Variants in ABTB3 observed in about 807,000 individuals in gnomAD.
ABTB3 encodes the protein ankyrin repeat and BTB domain containing 3.
the ABTB3 span, among the ~76,000 whole-genome samples, chr12:107,517,870 C>T: frequency 6.6e-6 from 1 of 151,766 alleles, no homozygotes; most frequent in Non-Finnish European, 1.5e-5. Flanking sequence ...ACTCATCTGA[C>T]AAAGGGCTAA....
chr12:107,615,062 T>C, the ABTB3 span: 2 of 1,611,576 alleles, frequency 1.2e-6, no homozygotes, highest in African/African-American at 2.7e-5. Flanking sequence ...TGTTTATAGG[T>C]TGTCAGTACT....
the ABTB3 span, among the ~76,000 whole-genome samples, chr12:107,610,728 C>T: frequency 2.0e-5 from 3 of 152,254 alleles, no homozygotes; most frequent in South Asian, 2.1e-4. Flanking sequence ...TGTTCCTGCA[C>T]AGGACAAGCC....
the ABTB3 span, among the ~76,000 whole-genome samples, chr12:107,510,102 A>G: frequency 6.6e-6 from 1 of 152,228 alleles, no homozygotes; most frequent in African/African-American, 2.4e-5. Context: ...GAAGCCGGTA[A>G]GGTGGGAATC....
At chr12:107,392,937 C>T in the ABTB3 span, among the ~76,000 whole-genome samples, 114,274 of 151,976 alleles carry the variant, frequency 0.75, 43,292 homozygotes, top group Non-Finnish European at 0.81. Flanking sequence ...AGTGGGCACA[C>T]GCTGAAGGCT....
chr12:107,463,907 C>G, the ABTB3 span, among the ~76,000 whole-genome samples: 9 of 152,284 alleles, frequency 5.9e-5, no homozygotes, highest in Non-Finnish European at 1.2e-4. Flanking sequence ...CCTACACTGC[C>G]ACCAACTCTC....
At chr12:107,655,860 A>G in the ABTB3 span, among the ~76,000 whole-genome samples, 1 of 152,200 alleles carries the variant, frequency 6.6e-6, no homozygotes, top group Non-Finnish European at 1.5e-5. Flanking sequence ...ATCAGATTGA[A>G]TCTCAGCTGT....
At chr12:107,528,919 G>T in the ABTB3 span, among the ~76,000 whole-genome samples, 1 of 149,626 alleles carries the variant, frequency 6.7e-6, no homozygotes, top group Non-Finnish European at 1.5e-5. Context: ...GATGATTATG[G>T]TGATAGTGAT....
At chr12:107,484,939 T>C in the ABTB3 span, among the ~76,000 whole-genome samples, 1 of 152,138 alleles carries the variant, frequency 6.6e-6, no homozygotes, top group Non-Finnish European at 1.5e-5. Flanking sequence ...AGCAGGTCAG[T>C]GTGGGATGTG....
the ABTB3 span, among the ~76,000 whole-genome samples, chr12:107,638,842 GTTACAGAGCTGAGAT>G: frequency 7.2e-5 from 11 of 152,148 alleles, no homozygotes; most frequent in Non-Finnish European, 1.5e-4. Context: ...ACTTGCCAAG[GTTACAGAGCTGAGAT>G]TTCTAGCCTC....
the ABTB3 span, among the ~76,000 whole-genome samples, chr12:107,448,681 C>G: frequency 1.3e-5 from 2 of 151,308 alleles, no homozygotes; most frequent in Non-Finnish European, 2.9e-5. Context: ...AGCTCTGTCA[C>G]CCAGGCTGGA....
the ABTB3 span, among the ~76,000 whole-genome samples, chr12:107,575,303 C>T: frequency 6.6e-6 from 1 of 152,008 alleles, no homozygotes; most frequent in Admixed American, 6.6e-5. Context: ...CTGCACCTGG[C>T]AGGGAGAAGA....
chr12:107,548,472 C>T, the ABTB3 span, among the ~76,000 whole-genome samples: 4 of 152,168 alleles, frequency 2.6e-5, no homozygotes, highest in South Asian at 8.3e-4. Flanking sequence ...ACCATTTTAC[C>T]ATTTCATGTG....
the ABTB3 span, among the ~76,000 whole-genome samples, chr12:107,599,356 A>G: frequency 6.6e-6 from 1 of 152,242 alleles, no homozygotes; most frequent in East Asian, 1.9e-4. Flanking sequence ...GTGGAAGCAT[A>G]GCCACAGATG....
the ABTB3 span, among the ~76,000 whole-genome samples, chr12:107,446,341 G>A: frequency 6.6e-6 from 1 of 152,132 alleles, no homozygotes; most frequent in Admixed American, 6.6e-5. Flanking sequence ...TACTCGAATG[G>A]CATGTTTATT....
At chr12:107,462,143 A>G in the ABTB3 span, among the ~76,000 whole-genome samples, 1 of 152,196 alleles carries the variant, frequency 6.6e-6, no homozygotes, top group East Asian at 1.9e-4. Flanking sequence ...CATCCTGGAA[A>G]TCTTCCTCAT....
chr12:107,431,209 C>T, the ABTB3 span, among the ~76,000 whole-genome samples: 3 of 152,220 alleles, frequency 2.0e-5, no homozygotes, highest in Non-Finnish European at 2.9e-5. Flanking sequence ...TAAATGCTTA[C>T]TAGTCAGTGG....
the ABTB3 span, among the ~76,000 whole-genome samples, chr12:107,323,170 G>A: frequency 6.6e-6 from 1 of 152,220 alleles, no homozygotes; most frequent in South Asian, 2.1e-4. Flanking sequence ...TCTAAAGAAG[G>A]GGTCTCACTA....
At chr12:107,410,066 C>T in the ABTB3 span, among the ~76,000 whole-genome samples, 10 of 152,056 alleles carry the variant, frequency 6.6e-5, no homozygotes, top group Non-Finnish European at 1.2e-4. Context: ...CCAGCATCCC[C>T]TGCCAGCAGT....
chr12:107,636,549 A>G, the ABTB3 span, among the ~76,000 whole-genome samples: 1 of 152,200 alleles, frequency 6.6e-6, no homozygotes, highest in South Asian at 2.1e-4. Flanking sequence ...GGACTATTTT[A>G]AAGTTATTTT....
Sources: allele counts gnomAD v4.1 joint callset (sites outside exome capture counted in the v4.1 genomes callset), GRCh38; gene constraint gnomAD v4.1.1; transcripts MANE v1.5; gene names NCBI Gene and HGNC (gene_info 2026-07-23, HGNC 2026-07-21).